Variants in PKP2 observed in about 807,000 individuals in gnomAD.
The protein encoded by PKP2 is plakophilin-2.
PKP2 carries 73 observed loss-of-function variants against 83.4 expected under a neutral mutation model. The ratio of observed to expected loss-of-function variants is 0.88; its 90% CI spans 0.72 to 1.06. The LOEUF (loss-of-function observed/expected upper bound fraction) is 1.06, where lower values mean the gene tolerates loss of function less well. Ranked by LOEUF, PKP2 falls within the 50% of genes least tolerant of loss-of-function variation. PKP2 has a pLI of 0.00. For missense variants in PKP2, 966 were observed against 1,065.4 expected, an observed-to-expected ratio of 0.91 and a Z score of 1.30; for synonymous variants, 409 against 430.4, an observed-to-expected ratio of 0.95 and a Z score of 0.62.
In PKP2 at chr12:32,838,854, G is replaced by A. The variant is rs147440652; in HGVS notation, c.1556+2174C>T. ...AGTGGTGACTTGGCTATGAACTCCC[G>A]TTTGAACCCTCAGGAACAAGCACTA... On this transcript the variant is annotated intron_variant, in intron 6 of 12. Coordinates refer to ENST00000340811, the MANE Select transcript of PKP2 (RefSeq NM_001005242.3). Among the ~76,000 whole-genome samples the A allele has an allele frequency of 2.6e-3, 397 of 152,282 alleles. 3 individuals carry two copies. The highest frequency in any genetic ancestry group is 9.0e-3 in the African/African-American group (372 of 41,564).
chr12:32,864,995 T>A (rs1189216001), intron 4 of PKP2, among the ~76,000 whole-genome samples: 1 of 152,176 alleles, frequency 6.6e-6, no homozygotes, highest in Non-Finnish European at 1.5e-5. Flanking sequence ...ATGTTTCACA[T>A]CCCCAGTTTT....
chr12:32,860,724 AT>A (rs1277300349), intron 4 of PKP2, among the ~76,000 whole-genome samples: 1 of 151,980 alleles, frequency 6.6e-6, no homozygotes, highest in Non-Finnish European at 1.5e-5. Context: ...TTCAAGTAAA[AT>A]TTTTTTTAAA....
chr12:32,809,955 C>T (rs1956262699), intron 9 of PKP2, among the ~76,000 whole-genome samples: 1 of 152,208 alleles, frequency 6.6e-6, no homozygotes. Context: ...GTGCTGAATT[C>T]ACTTGATGCT....
At chr12:32,879,120 T>A in intron 1 of PKP2, 88 bp from the exon 2 acceptor site, 1 of 788,916 alleles carries the variant, frequency 1.3e-6, no homozygotes, top group South Asian at 1.4e-5. Context: ...TATTAAACTT[T>A]TAAATTTAAG....
chr12:32,816,839 G>A (rs1172766587), intron 9 of PKP2, among the ~76,000 whole-genome samples: 1 of 152,138 alleles, frequency 6.6e-6, no homozygotes, highest in African/African-American at 2.4e-5. Context: ...ATGATGATTA[G>A]TGATGATGAG....
At chr12:32,819,885 A>AACC (rs1956360247) in intron 9 of PKP2, among the ~76,000 whole-genome samples, 6 of 145,626 alleles carry the variant, frequency 4.1e-5, no homozygotes, top group African/African-American at 1.0e-4. Flanking sequence ...CGCACACACA[A>AACC]CCCCCCCCCC....
chr12:32,824,035 C>G lies in PKP2; in HGVS notation c.1674+10G>C. The G allele has an allele frequency of 2.0e-6, 3 of 1,473,834 alleles. No individual in the cohort carries two copies. The highest frequency in any genetic ancestry group is 4.5e-5 in the East Asian group (2 of 44,250). 91.3% of individuals were successfully genotyped at this position (1,473,834 alleles called of 1,614,324 possible). ...GTAAGACAAAACAGGATATTTATCT[C>G]TTGAATTACCTTGTCATCTGGCTGG... On this transcript the variant is annotated intron_variant, in intron 7 of 12. Coordinates refer to ENST00000340811, the MANE Select transcript of PKP2 (RefSeq NM_001005242.3).
intron 4 of PKP2, among the ~76,000 whole-genome samples, chr12:32,866,577 A>G (rs1956851080): frequency 6.6e-6 from 1 of 151,282 alleles, no homozygotes; most frequent in Non-Finnish European, 1.5e-5. Flanking sequence ...AAAAAAAAAA[A>G]AAAGTTCAAC....
chr12:32,824,388 T>TA, intron 6 of PKP2: 1 of 537,434 alleles, frequency 1.9e-6, no homozygotes, highest in Non-Finnish European at 3.3e-6. Flanking sequence ...ATAAGTCTTC[T>TA]ACTTCACTCC....
At chr12:32,872,829 T>C (rs1028252724) in intron 3 of PKP2, among the ~76,000 whole-genome samples, 1 of 151,986 alleles carries the variant, frequency 6.6e-6, no homozygotes, top group African/African-American at 2.4e-5. Flanking sequence ...AGAGACAGCG[T>C]TGAGGGCACT....
At chr12:32,828,487 T>C (rs575262296) in intron 6 of PKP2, among the ~76,000 whole-genome samples, 1 of 152,342 alleles carries the variant, frequency 6.6e-6, no homozygotes, top group Non-Finnish European at 1.5e-5. Context: ...CTAGACATTA[T>C]GGTAGGCAAC....
intron 10 of PKP2, among the ~76,000 whole-genome samples, chr12:32,798,228 G>C (rs561072651): frequency 6.6e-6 from 1 of 151,238 alleles, no homozygotes; most frequent in Non-Finnish European, 1.5e-5. Context: ...AGGATTACAG[G>C]TACGCACCAC....
chr12:32,793,312 T>A (rs535944551), intron 11 of PKP2, among the ~76,000 whole-genome samples: 17 of 152,222 alleles, frequency 1.1e-4, no homozygotes, highest in Non-Finnish European at 2.5e-4. Context: ...AAGGAATGTA[T>A]CTTTAGATAT....
rs1315337987 is a variant in PKP2 at position 32,896,597 on chromosome 12, G to A, written c.135C>T (p.Gly45=). The A allele has an allele frequency of 1.3e-6, 2 of 1,586,214 alleles. No homozygotes were observed. Among genetic ancestry groups the A allele is most frequent in the East Asian group, 2.3e-5 (1 of 44,016 alleles). The part of the protein sequence containing the change: ...EAKLKLAGSS[G]RGGQTVKSLR... Reference sequence around the variant, plus strand: ...GGCTCTTGACTGTCTGGCCGCCGCGGCCGCTGCTCCCCGCCAGCTTCAGCT... The same window carrying A: ...GGCTCTTGACTGTCTGGCCGCCGCGACCGCTGCTCCCCGCCAGCTTCAGCT... The change falls in exon 1 of 13, where the codon GGC becomes GGT. Residue 45 remains glycine, a synonymous_variant. Transcript: ENST00000340811.
At chr12:32,851,555 G>A (rs1016233894) in intron 4 of PKP2, among the ~76,000 whole-genome samples, 10 of 151,980 alleles carry the variant, frequency 6.6e-5, no homozygotes, top group Non-Finnish European at 2.9e-5. Context: ...TGCAAGCTCC[G>A]CCTCCCAGGT....
At chr12:32,887,326 G>A (rs1381967081) in intron 1 of PKP2, among the ~76,000 whole-genome samples, 1 of 152,088 alleles carries the variant, frequency 6.6e-6, no homozygotes, top group African/African-American at 2.4e-5. Context: ...AGCCACTAGA[G>A]TCCTTATTTT....
At chr12:32,867,163 A>G (rs1193402579) in intron 4 of PKP2, among the ~76,000 whole-genome samples, 10 of 152,162 alleles carry the variant, frequency 6.6e-5, no homozygotes, top group Non-Finnish European at 1.0e-4. Context: ...CCCCATCTCT[A>G]CAAAAAATAC....
At chr12:32,888,172 C>CATGA (rs751633733) in intron 1 of PKP2, among the ~76,000 whole-genome samples, 5 of 152,138 alleles carry the variant, frequency 3.3e-5, no homozygotes, top group African/African-American at 9.7e-5. Context: ...GACGCTGTCT[C>CATGA]ATGAATGAAT....
At chr12:32,890,074 CAAAAAAAAAAAAA>C (rs55957473) in intron 1 of PKP2, among the ~76,000 whole-genome samples, 1 of 64,006 alleles carries the variant, frequency 1.6e-5, no homozygotes, top group Non-Finnish European at 2.7e-5. Flanking sequence ...GACTCCATCT[CAAAAAAAAAAAAA>C]AAAAAAAAAA....
Sources: allele counts gnomAD v4.1 joint callset (sites outside exome capture counted in the v4.1 genomes callset), GRCh38; gene constraint gnomAD v4.1.1; transcripts MANE v1.5; gene names NCBI Gene and HGNC (gene_info 2026-07-23, HGNC 2026-07-21).